FSHR: variants seen among roughly 807,000 people sequenced by gnomAD.
FSHR encodes follicle stimulating hormone receptor.
In FSHR, 46 loss-of-function variants were observed where a neutral mutation model predicts 52.1. That is an observed-to-expected ratio of 0.88 (90% CI 0.70 to 1.13). The LOEUF is 1.13. Ranked by LOEUF, FSHR falls within the 50% of genes most tolerant of loss-of-function variation. The probability of loss-of-function intolerance (pLI) is 0.00; values close to 1 mark genes in which losing one functional copy is unlikely to be tolerated. For missense variants in FSHR, 964 were observed against 834.6 expected (o/e 1.16, Z -1.91); for synonymous variants, 399 against 309.6 (o/e 1.29, Z -3.03).
chr2:49,120,978 A>T (rs1258724657), intron 1 of FSHR, among the ~76,000 whole-genome samples: 1 of 152,246 alleles, frequency 6.6e-6, no homozygotes, highest in Admixed American at 6.5e-5. Context: ...TAGCTTAATA[A>T]ATTATCAGGA....
At chr2:49,146,894 GC>G (rs1244679676) in intron 1 of FSHR, among the ~76,000 whole-genome samples, 1 of 151,922 alleles carries the variant, frequency 6.6e-6, no homozygotes, top group Non-Finnish European at 1.5e-5. Flanking sequence ...ACAAAAATGG[GC>G]TCAGCTGTGC....
At chr2:48,995,627 G>C (rs1167927023) in intron 4 of FSHR, among the ~76,000 whole-genome samples, 1 of 152,098 alleles carries the variant, frequency 6.6e-6, no homozygotes, top group East Asian at 1.9e-4. Flanking sequence ...GCCACTTTAT[G>C]GGGCTGCAAG....
At chr2:48,986,198 C>T (rs926457670) in intron 6 of FSHR, among the ~76,000 whole-genome samples, 5 of 152,136 alleles carry the variant, frequency 3.3e-5, no homozygotes, top group Non-Finnish European at 5.9e-5. Flanking sequence ...CATTGTTTAG[C>T]TCTTACAAGA....
rs1274698451 is a variant in FSHR, at chr2:48,996,977, T to C, written c.375-6340A>G. ...TCTTAACTGGGAGTTTGTATATCTA[T>C]ATACAACATGATAAAAGATGCTAAC... is the stretch of plus-strand genomic sequence containing the variant. On this transcript the variant is annotated intron_variant, in intron 4 of 9. Coordinates refer to ENST00000406846, the MANE Select transcript of FSHR (RefSeq NM_000145.4). 2.6e-5 allele frequency among the ~76,000 whole-genome samples: 4 copies of C among 152,130 alleles called. No individual in the cohort carries two copies. The East Asian group carries it at 7.7e-4, about 29-fold the overall frequency.
intron 1 of FSHR, among the ~76,000 whole-genome samples, chr2:49,148,502 G>T (rs193145168): frequency 6.6e-6 from 1 of 151,926 alleles, no homozygotes; most frequent in Admixed American, 6.6e-5. Context: ...GTAATTGAGC[G>T]TCCAGAATAC....
chr2:49,147,335 C>A (rs765124892), intron 1 of FSHR, among the ~76,000 whole-genome samples: 3 of 152,090 alleles, frequency 2.0e-5, no homozygotes, highest in Non-Finnish European at 2.9e-5. Flanking sequence ...TAAATCTAAG[C>A]GCCTAAAGAA....
chr2:49,138,082 G>A (rs1276823629), intron 1 of FSHR, among the ~76,000 whole-genome samples: 1 of 152,062 alleles, frequency 6.6e-6, no homozygotes, highest in Non-Finnish European at 1.5e-5. Flanking sequence ...GAAATTTAGG[G>A]GAGAGATATA....
chr2:49,041,307 A>T lies in FSHR; in HGVS notation c.225-21147T>A, dbSNP rs575375958. On this transcript the variant is annotated intron_variant, in intron 2 of 9. Transcript: ENST00000406846. ...TAGAAATGGAACTCACTCAGTGTAAAATGTTTACATGCTACAATGAACACG... is the reference window on the plus strand; with the variant it reads ...TAGAAATGGAACTCACTCAGTGTAATATGTTTACATGCTACAATGAACACG... Among the ~76,000 whole-genome samples the T allele has an allele frequency of 2.0e-5, 3 of 152,278 alleles. No individual in the cohort carries two copies. The South Asian group carries it at 6.2e-4, about 32-fold the overall frequency.
chr2:49,006,300 A>G (rs1424803909), intron 4 of FSHR, among the ~76,000 whole-genome samples: 1 of 152,118 alleles, frequency 6.6e-6, no homozygotes, highest in Non-Finnish European at 1.5e-5. Context: ...CTTACAGTCC[A>G]AGTCATTCTC....
intron 2 of FSHR, among the ~76,000 whole-genome samples, chr2:49,055,961 A>G (rs1669047625): frequency 1.3e-5 from 2 of 152,126 alleles, no homozygotes; most frequent in African/African-American, 2.4e-5. Flanking sequence ...GACAACATGC[A>G]AAACTCTAAA....
intron 8 of FSHR, among the ~76,000 whole-genome samples, chr2:48,978,700 G>T (rs1023728939): frequency 5.3e-5 from 8 of 152,176 alleles, no homozygotes; most frequent in African/African-American, 1.9e-4. Flanking sequence ...AGACTCACAA[G>T]GGGGAAATGA....
intron 6 of FSHR, 138 bp from the exon 7 acceptor site, chr2:48,983,304 C>T: frequency 1.3e-6 from 1 of 748,920 alleles, no homozygotes; most frequent in South Asian, 1.5e-5. Context: ...AGCTTGGGGA[C>T]ACGGGTGGGA....
intron 1 of FSHR, among the ~76,000 whole-genome samples, chr2:49,111,598 A>G (rs1189106780): frequency 6.6e-6 from 1 of 152,152 alleles, no homozygotes; most frequent in Non-Finnish European, 1.5e-5. Context: ...AACAGTCTGC[A>G]CAGTGCTGGA....
intron 4 of FSHR, chr2:48,997,189 T>A (rs1449044385): frequency 1.0e-6 from 1 of 974,564 alleles, no homozygotes; most frequent in Non-Finnish European, 1.2e-6. Context: ...CTTTTCAGAG[T>A]CTCAGTTTCT....
At chr2:49,014,215 C>G (rs1263470629) in intron 4 of FSHR, among the ~76,000 whole-genome samples, 1 of 152,216 alleles carries the variant, frequency 6.6e-6, no homozygotes, top group Non-Finnish European at 1.5e-5. Flanking sequence ...TCGACAGTGA[C>G]ATAATCCCTT....
intron 2 of FSHR, among the ~76,000 whole-genome samples, chr2:49,035,017 A>T (rs1234319729): frequency 1.3e-5 from 2 of 152,350 alleles, no homozygotes; most frequent in Admixed American, 6.5e-5. Context: ...GCAATGCTGC[A>T]GATGGGGCTG....
chr2:48,989,806 C>T (rs188914880), intron 5 of FSHR, among the ~76,000 whole-genome samples: 85 of 152,220 alleles, frequency 5.6e-4, no homozygotes, highest in African/African-American at 1.7e-3. Flanking sequence ...AGGAAACTCT[C>T]ATTTTCTGTT....
At chr2:49,112,590 CTT>C (rs1558447823) in intron 1 of FSHR, among the ~76,000 whole-genome samples, 1 of 152,104 alleles carries the variant, frequency 6.6e-6, no homozygotes, top group Non-Finnish European at 1.5e-5. Context: ...AAACCCATGT[CTT>C]TGAAGTCTTT....
chr2:49,071,767 G>A (rs1248421202), intron 1 of FSHR, among the ~76,000 whole-genome samples: 1 of 152,064 alleles, frequency 6.6e-6, no homozygotes. Context: ...CATGGCAGTA[G>A]GGGAAGGAGG....
Sources: allele counts gnomAD v4.1 joint callset (sites outside exome capture counted in the v4.1 genomes callset), GRCh38; gene constraint gnomAD v4.1.1; transcripts MANE v1.5; gene names NCBI Gene and HGNC (gene_info 2026-07-23, HGNC 2026-07-21).